The following RBFOX1 variants were observed in gnomAD, a reference collection of about 807,000 sequenced individuals.
RBFOX1 encodes RNA binding protein fox-1 homolog 1.
RBFOX1 carries 8 observed loss-of-function variants against 57.7 expected under a neutral mutation model. That is an observed-to-expected ratio of 0.14 (90% confidence interval 0.08 to 0.25). The LOEUF (loss-of-function observed/expected upper bound fraction) is 0.25, where lower values mean the gene tolerates loss of function less well. Ranked by LOEUF, RBFOX1 falls within the 10% of genes least tolerant of loss-of-function variation. The probability of loss-of-function intolerance (pLI) is 1.00; values close to 1 mark genes in which losing one functional copy is unlikely to be tolerated. For synonymous variants in RBFOX1, 326 were observed against 222.4 expected, an observed-to-expected ratio of 1.47 and a Z score of -4.15; for missense variants, 611 against 548.5, an observed-to-expected ratio of 1.11 and a Z score of -1.14.
intron 3 of RBFOX1, among the ~76,000 whole-genome samples, chr16:6,746,652 T>A (rs1434722315): frequency 6.6e-6 from 1 of 151,812 alleles, no homozygotes; most frequent in East Asian, 1.9e-4. Flanking sequence ...CACTTCAGCC[T>A]GAGTGACGAG....
chr16:7,556,071 C>A (rs1342320301), intron 5 of RBFOX1, among the ~76,000 whole-genome samples: 1 of 152,134 alleles, frequency 6.6e-6, no homozygotes, highest in Non-Finnish European at 1.5e-5. Flanking sequence ...GAAAGTAACC[C>A]TAACTCTGAA....
chr16:6,667,356 C>A (rs908100346), intron 3 of RBFOX1, among the ~76,000 whole-genome samples: 1 of 152,114 alleles, frequency 6.6e-6, no homozygotes, highest in Non-Finnish European at 1.5e-5. Context: ...GGAAGCTCAT[C>A]TAAAGAATGC....
chr16:5,940,094 C>T (rs549601938), intron 4 of RBFOX1, among the ~76,000 whole-genome samples: 2 of 152,216 alleles, frequency 1.3e-5, no homozygotes, highest in South Asian at 4.2e-4. Flanking sequence ...CATCTTCTGC[C>T]CTGAAGGCTC....
intron 3 of RBFOX1, among the ~76,000 whole-genome samples, chr16:7,011,282 G>A (rs2093641511): frequency 6.6e-6 from 1 of 152,070 alleles, no homozygotes; most frequent in Non-Finnish European, 1.5e-5. Flanking sequence ...ATGATTCTGA[G>A]GTCAAGATGC....
At chr16:6,720,968 C>T (rs913279389) in intron 3 of RBFOX1, among the ~76,000 whole-genome samples, 1 of 152,004 alleles carries the variant, frequency 6.6e-6, no homozygotes. Flanking sequence ...GTATTAATTC[C>T]TACTTAACAT....
At chr16:7,207,468 A>G (rs751866862) in intron 4 of RBFOX1, among the ~76,000 whole-genome samples, 2 of 152,214 alleles carry the variant, frequency 1.3e-5, no homozygotes, top group Non-Finnish European at 2.9e-5. Flanking sequence ...AACCACATCC[A>G]GTGCAACCCC....
At chr16:6,017,134 C>G (rs1359588074), upstream of RBFOX1, among the ~76,000 whole-genome samples, 1 of 152,024 alleles carries the variant, frequency 6.6e-6, no homozygotes. Flanking sequence ...TAAAAATAAT[C>G]AAAGGGCCCA....
intron 11 of RBFOX1, among the ~76,000 whole-genome samples, chr16:7,631,359 A>G (rs1044078832): frequency 1.3e-5 from 2 of 152,212 alleles, no homozygotes; most frequent in Non-Finnish European, 2.9e-5. Context: ...CAACATTGAC[A>G]TGGAAGAACC....
intron 4 of RBFOX1, among the ~76,000 whole-genome samples, chr16:7,362,017 A>T (rs1308144236): frequency 1.3e-5 from 2 of 149,932 alleles, no homozygotes; most frequent in African/African-American, 4.9e-5. Context: ...TTATGTATAT[A>T]TGTTTTGTGT....
At chr16:6,290,721 T>G (rs1007692248) in intron 1 of RBFOX1, among the ~76,000 whole-genome samples, 27 of 152,210 alleles carry the variant, frequency 1.8e-4, no homozygotes, top group Admixed American at 2.0e-4. Flanking sequence ...TTTTTACTAT[T>G]CTGTAAAATG....
chr16:6,555,080 G>T (rs1296543525), intron 2 of RBFOX1, among the ~76,000 whole-genome samples: 1 of 152,158 alleles, frequency 6.6e-6, no homozygotes, highest in Admixed American at 6.5e-5. Context: ...CTTGCACATG[G>T]AAACACAGGG....
At chr16:7,574,271 T>C (rs2093088253) in intron 5 of RBFOX1, among the ~76,000 whole-genome samples, 1 of 152,216 alleles carries the variant, frequency 6.6e-6, no homozygotes, top group African/African-American at 2.4e-5. Flanking sequence ...GTGTTCTCTT[T>C]GGAGAGTCTC....
intron 5 of RBFOX1, among the ~76,000 whole-genome samples, chr16:7,523,430 GCAT>G (rs2077956846): frequency 6.6e-6 from 1 of 152,200 alleles, no homozygotes; most frequent in Non-Finnish European, 1.5e-5. Context: ...AATGGAGGCA[GCAT>G]CATCAAAGGA....
chr16:6,589,402 G>C (rs890084136), intron 2 of RBFOX1, among the ~76,000 whole-genome samples: 2 of 152,172 alleles, frequency 1.3e-5, no homozygotes, highest in Admixed American at 1.3e-4. Flanking sequence ...AGGATTATTT[G>C]GTGGGTAGGG....
intron 4 of RBFOX1, among the ~76,000 whole-genome samples, chr16:7,471,821 G>T (rs546172290): frequency 6.6e-6 from 1 of 152,314 alleles, no homozygotes; most frequent in East Asian, 1.9e-4. Flanking sequence ...GGGAGCTCCA[G>T]GGCCTGACCC....
At chr16:7,708,887 T>A (rs2083364251) in intron 14 of RBFOX1, among the ~76,000 whole-genome samples, 169 bp from the exon 15 acceptor site, 2 of 152,172 alleles carry the variant, frequency 1.3e-5, no homozygotes, top group Non-Finnish European at 2.9e-5. Flanking sequence ...ACAAAAAATG[T>A]ATCATGTACA....
At chr16:5,882,736 T>A (rs139375935) in intron 4 of RBFOX1, among the ~76,000 whole-genome samples, 3 of 152,278 alleles carry the variant, frequency 2.0e-5, no homozygotes, top group Admixed American at 1.3e-4. Context: ...GCCAGTGTTG[T>A]CCCTGGGCGG....
At chr16:6,546,504 A>T (rs1300777182) in intron 2 of RBFOX1, among the ~76,000 whole-genome samples, 1 of 152,162 alleles carries the variant, frequency 6.6e-6, no homozygotes, top group African/African-American at 2.4e-5. Flanking sequence ...ACTCTCTGGC[A>T]TATTGTGATT....
rs1027322554 is a variant in RBFOX1 at position 5,969,394 on chromosome 16, C to G, written c.351+102059C>G. On this transcript the variant is annotated intron_variant, in intron 4 of 19. Coordinates refer to the RBFOX1 transcript ENST00000641259. Reference sequence around the variant, plus strand: ...TGGTATGAACTAGGCTCACTGCAACCTCTGCCTTCTGGGTTCAAGCGATTC... The same window carrying G: ...TGGTATGAACTAGGCTCACTGCAACGTCTGCCTTCTGGGTTCAAGCGATTC... Among the ~76,000 whole-genome samples, 6 of 147,850 alleles carry G rather than the reference C, an allele frequency of 4.1e-5. No homozygotes were observed. The East Asian group carries it at 6.0e-4, about 15-fold the overall frequency.
Sources: allele counts gnomAD v4.1 joint callset (sites outside exome capture counted in the v4.1 genomes callset), GRCh38; gene constraint gnomAD v4.1.1; transcripts MANE v1.5; gene names NCBI Gene and HGNC (gene_info 2026-07-23, HGNC 2026-07-21).